The following PODNL1 variants were observed in gnomAD, a reference collection of about 807,000 sequenced individuals.
The protein encoded by PODNL1 is podocan-like protein 1.
PODNL1 carries 50 observed loss-of-function variants against 45.1 expected under a neutral mutation model. The ratio of observed to expected loss-of-function variants is 1.11; its 90% CI spans 0.88 to 1.40. The LOEUF (loss-of-function observed/expected upper bound fraction) is 1.40, where lower values mean the gene tolerates loss of function less well. PODNL1 is among the 40% of genes most tolerant of loss of function. PODNL1 has a pLI of 0.00. For missense variants in PODNL1, 788 were observed against 793.3 expected (o/e 0.99, Z 0.08); for synonymous variants, 406 against 372.5 (o/e 1.09, Z -1.04).
chr19:13,932,806 C>T lies in PODNL1; in HGVS notation c.1417G>A (p.Ala473Thr). 1.2e-6 allele frequency: 2 copies of T among 1,613,024 alleles called. No individual in the cohort carries two copies. Among genetic ancestry groups the T allele is most frequent in the East Asian group, 2.2e-5 (1 of 44,878 alleles). The change falls in exon 8 of 10, where the codon GCC (alanine) becomes ACC (threonine). Residue 473 changes from alanine to threonine, a missense_variant. Coordinates refer to ENST00000588872, the MANE Select transcript of PODNL1 (RefSeq NM_001370095.3). ...ACCAGCCTGTGCCTGACCTGGAGGG[C>T]TTGGAGCTCATGCCAGGTGCCTGGC... ...IGPGTWHELQ[A>T]LQMLDLSHNE... is the part of the protein sequence containing the mutation.
intron 1 of PODNL1, chr19:13,952,735 G>A: frequency 4.8e-6 from 6 of 1,261,522 alleles, no homozygotes; most frequent in East Asian, 3.3e-5. Context: ...CGGGGTGAGG[G>A]GTTGGGGGCG....
chr19:13,946,164 G>A (rs1198494001), intron 1 of PODNL1, among the ~76,000 whole-genome samples: 2 of 152,184 alleles, frequency 1.3e-5, no homozygotes, highest in African/African-American at 4.8e-5. Flanking sequence ...GGGTACAGTG[G>A]CTCATGCCTG....
intron 3 of PODNL1, 113 bp from the exon 4 acceptor site, chr19:13,936,157 A>G (rs985637194): frequency 9.7e-7 from 1 of 1,031,478 alleles, no homozygotes; most frequent in Non-Finnish European, 1.4e-6. Context: ...GAGGCTCCCC[A>G]GGCCCTCAGA....
chr19:13,932,547 G>C, intron 8 of PODNL1: 1 of 946,248 alleles, frequency 1.1e-6, no homozygotes, highest in East Asian at 2.5e-5. Context: ...GGTAGAGATA[G>C]GGTCTTGCTG....
intron 1 of PODNL1, among the ~76,000 whole-genome samples, chr19:13,943,989 G>GA (rs1210260238): frequency 7.9e-5 from 12 of 151,706 alleles, no homozygotes; most frequent in Admixed American, 4.6e-4. Flanking sequence ...AATCTTGTGG[G>GA]AAAAAAAATT....
upstream of PODNL1, among the ~76,000 whole-genome samples, chr19:13,941,388 T>C (rs183492526): frequency 6.9e-6 from 1 of 144,706 alleles, no homozygotes; most frequent in East Asian, 2.0e-4. Context: ...AAAAAAAGTA[T>C]AGCGTCTGCT....
rs948422634 is a variant in PODNL1 at position 13,931,219 on chromosome 19, T to TG, written c.*517dup. ...ATGCATTTCATTCCCATGCTTGCTGTGGGGGGGGATACATGTGAGGGTCCC... is the reference window on the plus strand; with the variant it reads ...ATGCATTTCATTCCCATGCTTGCTGTGGGGGGGGGATACATGTGAGGGTCCC... On this transcript the variant is annotated 3_prime_UTR_variant, in exon 10 of 10. Coordinates refer to ENST00000588872, the MANE Select transcript of PODNL1 (RefSeq NM_001370095.3). The TG allele has an allele frequency of 8.0e-4, 122 of 152,564 alleles. No homozygotes were observed. The highest frequency in any genetic ancestry group is 3.4e-3 in the Middle Eastern group (1 of 294). The allele number at this position is 152,564 out of a possible 1,614,324, so 9.5% of individuals were successfully genotyped here.
intron 1 of PODNL1, chr19:13,952,376 C>T (rs1973084249): frequency 7.0e-6 from 8 of 1,150,448 alleles, no homozygotes; most frequent in Middle Eastern, 3.2e-4. Flanking sequence ...GTCGAGATGG[C>T]TTTGATGGAC....
chr19:13,952,167 T>C (rs1208275379), intron 1 of PODNL1, among the ~76,000 whole-genome samples: 24 of 152,202 alleles, frequency 1.6e-4, no homozygotes, highest in Non-Finnish European at 3.2e-4. Flanking sequence ...CCCAAGGGCC[T>C]GGACCGCCTG....
rs375925947 is a variant in PODNL1 at position 13,937,886 on chromosome 19, G to A, written c.124C>T (p.Arg42Cys). The change falls in exon 2 of 10, where the codon CGC (arginine) becomes TGC (cysteine). Residue 42 changes from arginine (R) to cysteine (C), a missense_variant. This residue lies in a region of PODNL1 where 762 missense variants were observed against 750.9 expected (regional missense o/e 1.01). Coordinates refer to ENST00000588872, the MANE Select transcript of PODNL1 (RefSeq NM_001370095.3). ...GTGTCGACTCGGGGGCAGGAGCAGCGCAGGGGACAGGCCCGGGGCAGGGGC... is the reference window on the plus strand; with the variant it reads ...GTGTCGACTCGGGGGCAGGAGCAGCACAGGGGACAGGCCCGGGGCAGGGGC... ...LQPLPRACPL[R>C]CSCPRVDTVD... 155 of 1,579,100 alleles carry A rather than the reference G, an allele frequency of 9.8e-5. No individual in the cohort carries two copies. The highest frequency in any genetic ancestry group is 3.5e-4 in the African/African-American group (26 of 74,606).
chr19:13,947,034 A>T (rs1470718999), intron 1 of PODNL1, among the ~76,000 whole-genome samples: 1 of 149,030 alleles, frequency 6.7e-6, no homozygotes, highest in Non-Finnish European at 1.5e-5. Flanking sequence ...CTGTCTCAAA[A>T]AAAAAAAAAC....
intron 8 of PODNL1, 31 bp from the exon 9 acceptor site, chr19:13,932,143 CA>C: frequency 1.6e-6 from 2 of 1,234,310 alleles, no homozygotes; most frequent in Non-Finnish European, 2.0e-6. Context: ...GGCATCGTGG[CA>C]GCCCCAGGCC....
At chr19:13,938,129 T>TG (rs1477281919) in intron 1 of PODNL1, 50 bp downstream of exon 1, 23 of 1,542,940 alleles carry the variant, frequency 1.5e-5, no homozygotes, top group East Asian at 4.6e-5. Flanking sequence ...AGAGCAGGGG[T>TG]GGGGGGGCAG....
Position 13,932,911 on chromosome 19 carries a change from C to T in PODNL1, c.1312G>A (p.Glu438Lys), listed in dbSNP as rs894563143. The T allele has an allele frequency of 5.7e-6, 9 of 1,585,382 alleles. No homozygotes were observed. The highest frequency in any genetic ancestry group is 2.7e-5 in the African/African-American group (2 of 74,418). ...TCCAGGCCGGCCAGAGGCTCGGGCT[C>T]GAGCATCCGCAGCTGGTTGCGTTGC... ...QLQRNQLRMLEPEPLAGLDQL... is the reference protein window; with the variant it reads ...QLQRNQLRMLKPEPLAGLDQL... The change falls in exon 8 of 10, where the codon GAG becomes AAG. Residue 438 changes from glutamate to lysine, a missense_variant. Around this residue, in one of 3 missense-constraint regions of PODNL1, gnomAD observed 762 missense variants for 750.9 expected, o/e 1.01. Coordinates refer to ENST00000588872, the MANE Select transcript of PODNL1 (RefSeq NM_001370095.3).
intron 1 of PODNL1, among the ~76,000 whole-genome samples, chr19:13,949,930 G>A (rs540229393): frequency 1.3e-4 from 19 of 149,640 alleles, no homozygotes; most frequent in African/African-American, 3.9e-4. Context: ...GCGTGATCTC[G>A]ACTCACTGAA....
intron 1 of PODNL1, chr19:13,952,625 A>G (rs1028610673): frequency 1.7e-5 from 21 of 1,266,088 alleles, no homozygotes; most frequent in African/African-American, 3.1e-5. Context: ...CACGTCCTCA[A>G]GCAGCTGGAG....
In PODNL1 at chr19:13,933,565, T is replaced by C. The variant is rs1204049869; in HGVS notation, c.768-110A>G. 1 of 1,246,044 alleles carries C rather than the reference T, an allele frequency of 8.0e-7. No homozygotes were observed. Among genetic ancestry groups the C allele is most frequent in the African/African-American group, 1.5e-5 (1 of 66,628 alleles). 77.2% of individuals were successfully genotyped at this position (1,246,044 alleles called of 1,614,324 possible). ...CTGAGACAGATTTAAGCTGGAGATTTTGACTTGGGAGTGATGCGTGGAGAG... is the reference window on the plus strand; with the variant it reads ...CTGAGACAGATTTAAGCTGGAGATTCTGACTTGGGAGTGATGCGTGGAGAG... On this transcript the variant is annotated intron_variant, in intron 7 of 9. Transcript: ENST00000588872. The surrounding 1 kb of genome is among the most constrained non-coding windows in gnomAD (Gnocchi z 5.2).
chr19:13,952,803 T>G (rs1599457587), intron 1 of PODNL1, among the ~76,000 whole-genome samples: 2 of 91,366 alleles, frequency 2.2e-5, no homozygotes, highest in Non-Finnish European at 4.5e-5. Flanking sequence ...GGGAGATGGC[T>G]TGGATGGAGG....
Position 13,932,092 on chromosome 19 carries a change from A to C in PODNL1, c.1446T>G (p.Asn482Lys). 8.1e-7 allele frequency: 1 copy of C among 1,233,226 alleles called. No homozygotes were observed. The highest frequency in any genetic ancestry group is 1.0e-6 in the Non-Finnish European group (1 of 988,798). The allele number at this position is 1,233,226 out of a possible 1,614,324, so 76.4% of individuals were successfully genotyped here. A position where few individuals can be genotyped will look rare whatever the true frequency, so the allele number is the denominator to read the frequency against. Residue 482 changes from asparagine (N) to lysine (K), a missense_variant, in exon 9 of 10, where the codon AAT becomes AAG. Physicochemically the swap from Asn to Lys is moderately conservative, Grantham distance 94. Around this residue, in one of 3 missense-constraint regions of PODNL1, gnomAD observed 762 missense variants for 750.9 expected, o/e 1.01. Coordinates refer to ENST00000588872, the MANE Select transcript of PODNL1 (RefSeq NM_001370095.3). The part of the protein sequence containing the change: ...QALQMLDLSH[N>K]ELSFVPPDLP... Reference sequence around the variant, plus strand: ...GGTCCGGGGGCACAAAGGACAGCTCATTGTGGCTGAGGTCCAGCATCTGGG... The same window carrying C: ...GGTCCGGGGGCACAAAGGACAGCTCCTTGTGGCTGAGGTCCAGCATCTGGG...
Sources: allele counts gnomAD v4.1 joint callset (sites outside exome capture counted in the v4.1 genomes callset), GRCh38; gene constraint gnomAD v4.1.1; regional missense constraint gnomAD v4.1.1; non-coding constraint Gnocchi (gnomAD v3.1); transcripts MANE v1.5; gene names NCBI Gene and HGNC (gene_info 2026-07-23, HGNC 2026-07-21).